The following DNAH3 variants were observed in gnomAD, a reference collection of about 807,000 sequenced individuals.
The protein encoded by DNAH3 is axonemal beta dynein heavy chain 3.
A neutral mutation model predicts 432.5 loss-of-function variants in DNAH3; 332 were observed. The observed-to-expected ratio is 0.77, with a 90% CI of 0.70 to 0.84. DNAH3 has a LOEUF of 0.84. Ranked by LOEUF, DNAH3 falls within the 40% of genes least tolerant of loss-of-function variation. DNAH3 has a pLI of 0.00. For synonymous variants in DNAH3, 1,956 were observed against 1,900.2 expected, an observed-to-expected ratio of 1.03 and a Z score of -0.76; for missense variants, 4,861 against 5,114.0, an observed-to-expected ratio of 0.95 and a Z score of 1.51.
rs190178416 is a variant in DNAH3 at position 20,948,436 on chromosome 16, C to T, written c.11343+47G>A. 1.1e-3 allele frequency: 1,811 copies of T among 1,586,908 alleles called. 22 individuals are homozygous for T. The African/African-American group carries it at 0.021, about 18-fold the overall frequency. The stretch of plus-strand genomic sequence containing the variant: ...CAGCCCTGTAGCCATATAGAGATGA[C>T]GGAGCCCTGTGGGGGAAAGAGGTAG... On this transcript the variant is annotated intron_variant, in intron 57 of 61. Transcript: ENST00000261383.
chr16:20,970,085 A>G (rs1340225516), intron 51 of DNAH3, 95 bp from the exon 52 acceptor site: 6 of 1,179,364 alleles, frequency 5.1e-6, no homozygotes, highest in Non-Finnish European at 7.5e-6. Flanking sequence ...AAGAAGGAAG[A>G]GGTGCTTCCT....
intron 31 of DNAH3, among the ~76,000 whole-genome samples, chr16:21,043,584 A>T: frequency 2.2e-5 from 1 of 44,982 alleles, no homozygotes; most frequent in East Asian, 5.2e-4. Context: ...CCTTTGTCAG[A>T]TGAGTAGGTT....
chr16:21,131,157 A>G (rs921488212), intron 7 of DNAH3, among the ~76,000 whole-genome samples: 1 of 151,986 alleles, frequency 6.6e-6, no homozygotes, highest in African/African-American at 2.4e-5. Flanking sequence ...AGCAACCTAG[A>G]GAGACCCTGT....
intron 31 of DNAH3, among the ~76,000 whole-genome samples, chr16:21,045,192 A>T (rs1050960883): frequency 2.0e-5 from 3 of 150,810 alleles, no homozygotes; most frequent in African/African-American, 7.3e-5. Flanking sequence ...GCCTCATAAA[A>T]TGAGTTAGGG....
chr16:21,151,648 C>T (rs190361206), intron 1 of DNAH3, among the ~76,000 whole-genome samples: 8 of 152,228 alleles, frequency 5.3e-5, no homozygotes, highest in African/African-American at 1.9e-4. Flanking sequence ...AATCTCAGTC[C>T]TGGGCAAACT....
At chr16:20,944,342 G>A (rs1178368189) in intron 58 of DNAH3, among the ~76,000 whole-genome samples, 154 bp downstream of exon 58, 2 of 152,202 alleles carry the variant, frequency 1.3e-5, no homozygotes, top group African/African-American at 2.4e-5. Context: ...AAGGACTCCC[G>A]GCAGTAAGGC....
At chr16:21,056,366 CCTT>C (rs969464796) in intron 27 of DNAH3, among the ~76,000 whole-genome samples, 3 of 151,142 alleles carry the variant, frequency 2.0e-5, no homozygotes, top group Non-Finnish European at 4.4e-5. Context: ...CTCTTTCCTT[CCTT>C]CTTTTTTCCT....
At chr16:21,060,860 C>G (rs2090334187) in intron 25 of DNAH3, among the ~76,000 whole-genome samples, 1 of 131,306 alleles carries the variant, frequency 7.6e-6, no homozygotes, top group Non-Finnish European at 1.6e-5. Flanking sequence ...TAGAGAGAGA[C>G]AGGGCCTTGC....
At chr16:20,965,573 C>T (rs112215541) in intron 52 of DNAH3, 148 bp from the exon 53 acceptor site, 1 of 616,574 alleles carries the variant, frequency 1.6e-6, no homozygotes, top group Non-Finnish European at 2.6e-6. Context: ...CCCATCTCTG[C>T]CTTGCTCCCT....
At chr16:20,992,403 T>G (rs1179639635) in intron 44 of DNAH3, among the ~76,000 whole-genome samples, 1 of 152,234 alleles carries the variant, frequency 6.6e-6, no homozygotes, top group Non-Finnish European at 1.5e-5. Context: ...TGTAGTGCAG[T>G]GGTGGGATCT....
rs183538621 is a variant in DNAH3 at position 20,973,394 on chromosome 16, A to G, written c.8259+1839T>C. Among the ~76,000 whole-genome samples the G allele has an allele frequency of 1.2e-4, 19 of 152,218 alleles. 1 individual carries two copies. Among genetic ancestry groups the G allele is most frequent in the African/African-American group, 4.6e-4 (19 of 41,536 alleles). ...CAGCCTCCTGAGTAGCTGGGATTACAAGCATGTGCCACCACACCCAGCTAA... is the reference window on the plus strand; with the variant it reads ...CAGCCTCCTGAGTAGCTGGGATTACGAGCATGTGCCACCACACCCAGCTAA... On this transcript the variant is annotated intron_variant, in intron 51 of 61. Coordinates refer to ENST00000261383, the Ensembl canonical transcript of DNAH3.
intron 51 of DNAH3, among the ~76,000 whole-genome samples, chr16:20,972,948 C>T (rs1158146938): frequency 6.6e-6 from 1 of 151,720 alleles, no homozygotes; most frequent in Non-Finnish European, 1.5e-5. Context: ...AGGCTGGTCT[C>T]CAACTCCTGA....
At chr16:21,090,740 AG>A (rs981433036) in intron 18 of DNAH3, among the ~76,000 whole-genome samples, 6 of 152,194 alleles carry the variant, frequency 3.9e-5, no homozygotes, top group African/African-American at 1.4e-4. Context: ...GGCTTGGATG[AG>A]GCAAAGGGAT....
At chr16:20,935,073 A>C (rs1401446963) in intron 61 of DNAH3, among the ~76,000 whole-genome samples, 1 of 152,192 alleles carries the variant, frequency 6.6e-6, no homozygotes, top group Non-Finnish European at 1.5e-5. Context: ...CACATTGAAC[A>C]AACAGAGTGG....
chr16:20,963,322 A>C (rs1257489585), exon 53 of DNAH3: 1 of 1,614,088 alleles, frequency 6.2e-7, no homozygotes. Flanking sequence ...CACAAAAATC[A>C]AAGGCGCACA....
At chr16:20,944,568 T>C (rs745320336) in exon 58 of DNAH3, 2 of 1,614,152 alleles carry the variant, frequency 1.2e-6, no homozygotes, top group Admixed American at 3.3e-5. Context: ...GCTGGTTGGT[T>C]TCCTGGTTGT....
intron 18 of DNAH3, among the ~76,000 whole-genome samples, chr16:21,092,259 G>T (rs990015937): frequency 1.3e-5 from 2 of 152,128 alleles, no homozygotes; most frequent in African/African-American, 4.8e-5. Flanking sequence ...ATTGGCAAAA[G>T]AAAGTCACAT....
At chr16:21,070,594 T>G in intron 22 of DNAH3, 116 bp downstream of exon 22, 1 of 691,578 alleles carries the variant, frequency 1.4e-6, no homozygotes, top group Non-Finnish European at 2.6e-6. Context: ...TTATTTATTT[T>G]TCCAATTAGG....
rs372465158 is a variant in DNAH3, at chr16:20,963,989, C to G, written c.9895G>C (p.Val3299Leu). 3.1e-6 allele frequency: 5 copies of G among 1,614,182 alleles called. 1 individual carries two copies. In the South Asian group the frequency reaches 5.5e-5, roughly 18 times the overall value. Residue 3299 changes from valine to leucine, a missense_variant, in exon 53 of 62, where the codon GTG becomes CTG. Transcript: ENST00000261383. ...CAAAAGAAGATGGTGGCAGAATGCA[C>G]AGCCACTGGCTTGTAGCCCATCCGA...
Sources: gnomAD v4.1 joint callset for allele counts (sites outside exome capture counted in the v4.1 genomes callset) on GRCh38, gnomAD v4.1.1 for gene constraint, MANE v1.5 for transcripts, NCBI Gene and HGNC (gene_info 2026-07-23, HGNC 2026-07-21) for gene names.